The following RASA3 variants were observed in gnomAD, a reference collection of about 807,000 sequenced individuals.
RASA3 encodes ras GTPase-activating protein 3.
Under a neutral mutation model 110.0 loss-of-function variants are expected in RASA3, and 73 were observed. The ratio of observed to expected loss-of-function variants is 0.66; its 90% CI spans 0.55 to 0.81. The LOEUF (loss-of-function observed/expected upper bound fraction) is 0.81, where lower values mean the gene tolerates loss of function less well. Ranked by LOEUF, RASA3 falls within the 30% of genes least tolerant of loss-of-function variation. The pLI is 0.00. For synonymous variants in RASA3, 500 were observed against 451.4 expected, an observed-to-expected ratio of 1.11 and a Z score of -1.37; for missense variants, 976 against 1,113.2, an observed-to-expected ratio of 0.88 and a Z score of 1.75.
chr13:113,979,323 G>T lies in RASA3; in HGVS notation c.*24C>A, dbSNP rs781103527. The T allele has an allele frequency of 1.9e-6, 3 of 1,553,168 alleles. No individual in the cohort carries two copies. The highest frequency in any genetic ancestry group is 1.4e-5 in the African/African-American group (1 of 73,538). Reference sequence around the variant, plus strand: ...GGCTTTGCATGGGCAGCTTGCTGGCGCCACTGGGCGCGTCCCGCAGACTTT... The same window carrying T: ...GGCTTTGCATGGGCAGCTTGCTGGCTCCACTGGGCGCGTCCCGCAGACTTT... On this transcript the variant is annotated 3_prime_UTR_variant, in exon 24 of 24. Transcript: ENST00000334062.
At chr13:114,005,563 G>C (rs9652160) in intron 18 of RASA3, among the ~76,000 whole-genome samples, 107,548 of 152,022 alleles carry the variant, frequency 0.71, 38,890 homozygotes, top group African/African-American at 0.87. Flanking sequence ...GGTTCCCTGA[G>C]CAAAGAGCCC....
chr13:114,004,073 T>C (rs2053461455), intron 18 of RASA3, among the ~76,000 whole-genome samples: 2 of 152,232 alleles, frequency 1.3e-5, no homozygotes, highest in African/African-American at 4.8e-5. Flanking sequence ...ATGTTATTGG[T>C]TAATATATGA....
At chr13:114,032,045 C>T (rs1234987260) in intron 4 of RASA3, among the ~76,000 whole-genome samples, 2 of 152,092 alleles carry the variant, frequency 1.3e-5, no homozygotes, top group Non-Finnish European at 2.9e-5. Context: ...ACCTAACAAG[C>T]AAAATAAATA....
At chr13:113,982,104 A>C (rs748155893) in intron 22 of RASA3, among the ~76,000 whole-genome samples, 18 of 152,120 alleles carry the variant, frequency 1.2e-4, no homozygotes, top group African/African-American at 3.9e-4. Context: ...AACCTCATTC[A>C]CCTCTGAGGG....
At chr13:114,074,283 C>T (rs2079629976) in intron 1 of RASA3, among the ~76,000 whole-genome samples, 1 of 152,174 alleles carries the variant, frequency 6.6e-6, no homozygotes, top group South Asian at 2.1e-4. Flanking sequence ...TCACTCCCAT[C>T]CCCCTCCTGC....
intron 13 of RASA3, among the ~76,000 whole-genome samples, chr13:114,015,704 G>C (rs1391617143): frequency 1.3e-5 from 2 of 152,216 alleles, no homozygotes; most frequent in Non-Finnish European, 2.9e-5. Flanking sequence ...AAATGTTGGA[G>C]CAAGTTCAAC....
chr13:114,130,381 G>T (rs2080501194), intron 1 of RASA3, among the ~76,000 whole-genome samples: 1 of 152,212 alleles, frequency 6.6e-6, no homozygotes, highest in African/African-American at 2.4e-5. Flanking sequence ...AGGGTCAAAG[G>T]TTCAGATGAT....
In RASA3 at chr13:114,015,285, C is replaced by T. The variant is rs767471956; in HGVS notation, c.1329G>A (p.Glu443=). The T allele has an allele frequency of 1.9e-6, 3 of 1,613,216 alleles. No homozygotes were observed. The highest frequency in any genetic ancestry group is 1.1e-5 in the South Asian group (1 of 91,088). The change falls in exon 14 of 24, where the codon GAG becomes GAA. Residue 443 remains glutamate (E), a synonymous_variant. Transcript: ENST00000334062. ...TGACGGTCGGGCAGCTCACCCCAGA[C>T]TCAGTGATGGCGTGGAAGACGCGGT... ...YVDRVFHAIT[E]SGVSCPTVMC... is the part of the protein sequence containing the mutation.
chr13:114,022,026 C>T, intron 8 of RASA3, among the ~76,000 whole-genome samples: 1 of 151,998 alleles, frequency 6.6e-6, no homozygotes, highest in Non-Finnish European at 1.5e-5. Context: ...ACAGGCCCAG[C>T]ACCAGCAGTC....
chr13:114,015,932 G>A (rs569969710), intron 13 of RASA3, among the ~76,000 whole-genome samples: 1 of 152,296 alleles, frequency 6.6e-6, no homozygotes, highest in South Asian at 2.1e-4. Flanking sequence ...GGGGCATGCA[G>A]ACCGGATCAC....
rs781145904 is a variant in RASA3 at position 114,057,155 on chromosome 13, T to TTCC, written c.174-5003_174-5001dup. On this transcript the variant is annotated intron_variant, in intron 2 of 23. Transcript: ENST00000334062. This position sits in a 1 kb window ranked among gnomAD's most constrained non-coding sequence, Gnocchi z 5.0. ...TGTCTGATGTCGTTTATTCTAGTGG[T>TTCC]TCCAATTGCCTATTTTAATGTTTTT... 9.5e-4 allele frequency: 911 copies of TTCC among 955,528 alleles called. No homozygotes were observed. The highest frequency in any genetic ancestry group is 1.6e-3 in the Middle Eastern group (3 of 1,846). The allele number at this position is 955,528 out of a possible 1,614,324, so 59.2% of individuals were successfully genotyped here.
At chr13:114,074,380 T>C (rs1024060781) in intron 1 of RASA3, among the ~76,000 whole-genome samples, 2 of 152,176 alleles carry the variant, frequency 1.3e-5, no homozygotes, top group African/African-American at 4.8e-5. Flanking sequence ...ACAGGACGTG[T>C]CCTTTCAGCC....
intron 1 of RASA3, among the ~76,000 whole-genome samples, chr13:114,078,619 T>TA (rs1407599679): frequency 1.3e-5 from 2 of 152,114 alleles, no homozygotes; most frequent in African/African-American, 4.8e-5. Context: ...AGGCAGCACT[T>TA]AAACACATTT....
intron 2 of RASA3, among the ~76,000 whole-genome samples, chr13:114,055,245 A>G (rs1008973154): frequency 6.6e-6 from 1 of 152,254 alleles, no homozygotes; most frequent in African/African-American, 2.4e-5. Flanking sequence ...TCATGCGTGC[A>G]TGCATGTGCC....
At chr13:114,022,733 C>A (rs117484025) in intron 8 of RASA3, among the ~76,000 whole-genome samples, 5,453 of 152,266 alleles carry the variant, frequency 0.036, 138 homozygotes, top group Middle Eastern at 0.092. Flanking sequence ...GGCGCATTTG[C>A]CTTTAATAAG....
intron 1 of RASA3, among the ~76,000 whole-genome samples, chr13:114,107,919 G>A (rs547506489): frequency 1.3e-5 from 2 of 152,220 alleles, no homozygotes; most frequent in East Asian, 3.9e-4. Flanking sequence ...CAGCCCCTGA[G>A]TGCCACTCTC....
At position 114,057,824 on chromosome 13, in the gene RASA3, G is replaced by A. The variant is rs1368248033; in HGVS notation, c.174-5669C>T. Among the ~76,000 whole-genome samples the A allele has an allele frequency of 3.9e-5, 6 of 152,306 alleles. No individual in the cohort carries two copies. Among genetic ancestry groups the A allele is most frequent in the South Asian group, 2.1e-4 (1 of 4,824 alleles). On this transcript the variant is annotated intron_variant, in intron 2 of 23. Coordinates refer to ENST00000334062, the MANE Select transcript of RASA3 (RefSeq NM_007368.4). This position sits in a 1 kb window ranked among gnomAD's most constrained non-coding sequence, Gnocchi z 5.0. ...CACCTCTGGCCAGGGCGCTCAGCAC[G>A]AGGGGACCCAGAACAATGGCTTCCC...
At chr13:114,047,950 A>G (rs1364449353) in intron 3 of RASA3, among the ~76,000 whole-genome samples, 1 of 152,236 alleles carries the variant, frequency 6.6e-6, no homozygotes, top group African/African-American at 2.4e-5. Context: ...AACTGCATAC[A>G]CTGGTGAAGG....
intron 9 of RASA3, 68 bp downstream of exon 9, chr13:114,021,336 C>T (rs1379074151): frequency 4.2e-6 from 6 of 1,441,106 alleles, no homozygotes; most frequent in Admixed American, 3.4e-5. Flanking sequence ...TGCCTTTCCA[C>T]TCAGAGGCAG....
Sources: allele counts gnomAD v4.1 joint callset (sites outside exome capture counted in the v4.1 genomes callset), GRCh38; gene constraint gnomAD v4.1.1; non-coding constraint Gnocchi (gnomAD v3.1); transcripts MANE v1.5; gene names NCBI Gene and HGNC (gene_info 2026-07-23, HGNC 2026-07-21).